LUZP2: variants seen among roughly 807,000 people sequenced by gnomAD.
LUZP2 encodes the protein leucine zipper protein 2.
LUZP2 carries 52 observed loss-of-function variants against 51.6 expected under a neutral mutation model. That is an observed-to-expected ratio of 1.01 (90% confidence interval 0.81 to 1.27). The LOEUF (loss-of-function observed/expected upper bound fraction) is 1.27. LUZP2 is among the 50% of genes most tolerant of loss of function. LUZP2 has a pLI of 0.00. For synonymous variants in LUZP2, 154 were observed against 137.3 expected, an observed-to-expected ratio of 1.12 and a Z score of -0.85; for missense variants, 436 against 395.4, an observed-to-expected ratio of 1.10 and a Z score of -0.87.
chr11:24,608,124 C>T (rs1853995928), intron 1 of LUZP2, among the ~76,000 whole-genome samples: 1 of 152,166 alleles, frequency 6.6e-6, no homozygotes, highest in Non-Finnish European at 1.5e-5. Context: ...GCTGGGATTA[C>T]AGGCGTGAGC....
chr11:24,958,677 T>C (rs1855288456), intron 7 of LUZP2, among the ~76,000 whole-genome samples: 4 of 152,208 alleles, frequency 2.6e-5, no homozygotes, highest in South Asian at 2.1e-4. Flanking sequence ...GAGTAGGTTG[T>C]GAAAATTTTC....
Position 24,611,612 on chromosome 11 carries a change from G to C in LUZP2, c.62+114307G>C, listed in dbSNP as rs1367073432. On this transcript the variant is annotated intron_variant, in intron 1 of 11. Transcript: ENST00000336930. This position sits in a 1 kb window ranked among gnomAD's most constrained non-coding sequence, Gnocchi z 4.6. ...TAAAAATGGAACTTACGAGACTATG[G>C]AGATGGTTTTCTTCATCATAATCAT... is the stretch of plus-strand genomic sequence containing the variant. Among the ~76,000 whole-genome samples, 1 of 152,046 alleles carries C rather than the reference G, an allele frequency of 6.6e-6. No individual in the cohort carries two copies. The highest frequency in any genetic ancestry group is 1.5e-5 in the Non-Finnish European group (1 of 68,008).
chr11:24,983,486 T>C (rs1460809174), intron 9 of LUZP2, among the ~76,000 whole-genome samples, 193 bp downstream of exon 9: 5 of 151,816 alleles, frequency 3.3e-5, no homozygotes, highest in Non-Finnish European at 5.9e-5. Flanking sequence ...AAGGGAGCTT[T>C]TCTTTCATAG....
intron 5 of LUZP2, among the ~76,000 whole-genome samples, chr11:24,859,368 T>A (rs1407348398): frequency 5.3e-5 from 8 of 152,110 alleles, no homozygotes; most frequent in Non-Finnish European, 1.2e-4. Context: ...ACCACCCCAT[T>A]TCTCCCACTT....
At chr11:24,998,690 C>G (rs1856584689) in intron 9 of LUZP2, among the ~76,000 whole-genome samples, 1 of 152,266 alleles carries the variant, frequency 6.6e-6, no homozygotes, top group South Asian at 2.1e-4. Flanking sequence ...TTTTTGAAAT[C>G]CTGTCTACCT....
chr11:24,622,981 T>G (rs1438879281), intron 1 of LUZP2, among the ~76,000 whole-genome samples: 3 of 152,168 alleles, frequency 2.0e-5, no homozygotes, highest in African/African-American at 7.2e-5. Flanking sequence ...TTTGCAAAGT[T>G]TTCTTGATGC....
intron 1 of LUZP2, among the ~76,000 whole-genome samples, chr11:24,711,467 A>AAATC (rs1857823213): frequency 6.7e-6 from 1 of 149,740 alleles, no homozygotes; most frequent in South Asian, 2.1e-4. Context: ...ATAAATAAAT[A>AAATC]AATAAATAAA....
intron 5 of LUZP2, among the ~76,000 whole-genome samples, chr11:24,879,438 A>C (rs1035874796): frequency 6.6e-6 from 1 of 152,148 alleles, no homozygotes; most frequent in African/African-American, 2.4e-5. Flanking sequence ...ATACTCAATA[A>C]TGGGATTGCT....
chr11:25,022,583 G>A (rs557360185), intron 9 of LUZP2, among the ~76,000 whole-genome samples: 4 of 152,084 alleles, frequency 2.6e-5, no homozygotes, highest in South Asian at 2.1e-4. Flanking sequence ...TTTAGTATCA[G>A]TAAACATCAG....
chr11:24,753,143 CTA>C (rs1305262072), intron 4 of LUZP2, among the ~76,000 whole-genome samples: 17 of 152,090 alleles, frequency 1.1e-4, no homozygotes, highest in African/African-American at 3.9e-4. Flanking sequence ...ATTCATCAAG[CTA>C]TATGTCATAG....
At chr11:24,683,624 A>T (rs1856812128) in intron 1 of LUZP2, among the ~76,000 whole-genome samples, 1 of 152,196 alleles carries the variant, frequency 6.6e-6, no homozygotes, top group Admixed American at 6.5e-5. Context: ...TAATCATGAT[A>T]CTCATTAATC....
At chr11:24,613,566 A>G (rs568828625) in intron 1 of LUZP2, among the ~76,000 whole-genome samples, 3 of 152,164 alleles carry the variant, frequency 2.0e-5, no homozygotes, top group African/African-American at 7.2e-5. Flanking sequence ...TCTGGAAGAA[A>G]TAAGACCTGG....
chr11:25,062,659 T>C (rs1858878667), intron 10 of LUZP2, among the ~76,000 whole-genome samples: 1 of 149,430 alleles, frequency 6.7e-6, no homozygotes, highest in Non-Finnish European at 1.5e-5. Flanking sequence ...CCAATAAAGT[T>C]GTGTGTCTTT....
chr11:24,750,171 A>G (rs1489269308), intron 4 of LUZP2, among the ~76,000 whole-genome samples: 1 of 152,176 alleles, frequency 6.6e-6, no homozygotes, highest in Non-Finnish European at 1.5e-5. Context: ...ATAGATTGTT[A>G]TCCCTTTCTT....
intron 7 of LUZP2, among the ~76,000 whole-genome samples, chr11:24,952,577 T>C (rs866249265): frequency 5.9e-5 from 9 of 151,758 alleles, no homozygotes; most frequent in African/African-American, 9.7e-5. Flanking sequence ...GAGCCAATAA[T>C]TGACAGAGGT....
intron 9 of LUZP2, among the ~76,000 whole-genome samples, chr11:24,997,444 T>C (rs1397509932): frequency 1.3e-5 from 2 of 152,178 alleles, no homozygotes; most frequent in African/African-American, 4.8e-5. Flanking sequence ...TTCATGTCCT[T>C]CGCCCACTTT....
At chr11:24,718,194 A>G (rs1033516132) in intron 1 of LUZP2, among the ~76,000 whole-genome samples, 1 of 152,172 alleles carries the variant, frequency 6.6e-6, no homozygotes, top group African/African-American at 2.4e-5. Flanking sequence ...ATGTTTCTAC[A>G]CCATAAGCCA....
At chr11:25,078,485 C>T in intron 11 of LUZP2, 69 bp from the exon 12 acceptor site, 1 of 1,232,902 alleles carries the variant, frequency 8.1e-7, no homozygotes, top group Non-Finnish European at 1.2e-6. Context: ...TTCTTTTAGA[C>T]TTTTCAATTT....
At chr11:24,968,556 C>T (rs1855654100) in intron 7 of LUZP2, among the ~76,000 whole-genome samples, 1 of 152,114 alleles carries the variant, frequency 6.6e-6, no homozygotes, top group African/African-American at 2.4e-5. Flanking sequence ...CTCTTCTCCT[C>T]TCAGCCATGT....
Sources: allele counts gnomAD v4.1 joint callset (sites outside exome capture counted in the v4.1 genomes callset), GRCh38; gene constraint gnomAD v4.1.1; non-coding constraint Gnocchi (gnomAD v3.1); transcripts MANE v1.5; gene names NCBI Gene and HGNC (gene_info 2026-07-23, HGNC 2026-07-21).